The following MBD1 variants were observed in gnomAD, a reference collection of about 807,000 sequenced individuals.
MBD1 encodes methyl-CpG binding domain protein 1, also known as methyl-CpG-binding domain protein 1.
In MBD1, 25 loss-of-function variants were observed where a neutral mutation model predicts 82.6. That is an observed-to-expected ratio of 0.30 (90% CI 0.22 to 0.42). The LOEUF is 0.42. Ranked by LOEUF, MBD1 falls within the 10% of genes least tolerant of loss-of-function variation. MBD1 has a pLI of 1.00. For missense variants in MBD1, 627 were observed against 819.6 expected, an observed-to-expected ratio of 0.76 and a Z score of 2.87; for synonymous variants, 301 against 303.7, an observed-to-expected ratio of 0.99 and a Z score of 0.09.
intron 16 of MBD1, chr18:50,270,703 A>C: frequency 4.4e-6 from 1 of 229,798 alleles, no homozygotes; most frequent in South Asian, 7.2e-5. Flanking sequence ...ATGCTCTGAC[A>C]AGGTGACCCC....
chr18:50,274,303 G>A lies in MBD1; in HGVS notation c.1029C>T (p.Ala343=). 1.2e-6 allele frequency: 2 copies of A among 1,613,998 alleles called. No individual in the cohort carries two copies. Among genetic ancestry groups the A allele is most frequent in the Non-Finnish European group, 1.7e-6 (2 of 1,180,036 alleles). The change falls in exon 11 of 17, where the codon GCC becomes GCT. Residue 343 remains alanine, a synonymous_variant. Transcript: ENST00000269468. ...RQNRKCGACA[A]CLRRMDCGRC... ...GGCCACAGTCCATCCGCCGTAGGCA[G>A]GCTGCACAGGCCCCGCACTTGCGGT... is the stretch of plus-strand genomic sequence containing the variant.
chr18:50,278,018 G>A (rs1260257766), intron 2 of MBD1, among the ~76,000 whole-genome samples: 1 of 152,200 alleles, frequency 6.6e-6, no homozygotes, highest in Non-Finnish European at 1.5e-5. Context: ...CCCAGTGGAT[G>A]CCTGAAACCG....
chr18:50,281,002 C>T (rs1477002031), intron 1 of MBD1, among the ~76,000 whole-genome samples: 1 of 152,080 alleles, frequency 6.6e-6, no homozygotes, highest in East Asian at 1.9e-4. Flanking sequence ...CATTCCAAAG[C>T]CTCTATTTCT....
chr18:50,276,763 G>A lies in MBD1; in HGVS notation c.393-19C>T. 6.2e-7 allele frequency: 1 copy of A among 1,614,158 alleles called. No homozygotes were observed. Among genetic ancestry groups the A allele is most frequent in the Non-Finnish European group, 8.5e-7 (1 of 1,179,990 alleles). On this transcript the variant is annotated intron_variant, in intron 4 of 16. Transcript: ENST00000269468. The stretch of plus-strand genomic sequence containing the variant: ...ACAGCACCTGGGATGGGAAAGGCAG[G>A]TGTGGGGCTCCAAGAGCACCCCCAA...
chr18:50,268,546 G>C (rs570520510), downstream of MBD1, among the ~76,000 whole-genome samples: 1 of 152,384 alleles, frequency 6.6e-6, no homozygotes, highest in Non-Finnish European at 1.5e-5. Flanking sequence ...GGGGTGATGG[G>C]TGACGAGCGG....
chr18:50,277,067 A>G (rs769922876), intron 3 of MBD1, 23 bp downstream of exon 3: 2 of 1,613,754 alleles, frequency 1.2e-6, no homozygotes, highest in Non-Finnish European at 1.7e-6. Flanking sequence ...ACCCCTACCT[A>G]GGTATCTCAT....
downstream of MBD1, chr18:50,267,488 A>T: frequency 1.3e-6 from 1 of 749,072 alleles, no homozygotes; most frequent in Non-Finnish European, 2.3e-6. Flanking sequence ...GAGCATAATT[A>T]AGAGTCTGAG....
intron 16 of MBD1, chr18:50,270,172 T>C: frequency 6.3e-7 from 1 of 1,597,300 alleles, no homozygotes; most frequent in Admixed American, 1.7e-5. Context: ...GTGGGGAAGG[T>C]GGCAGAGGCT....
At chr18:50,270,012 T>C in intron 16 of MBD1, 194 bp from the exon 17 acceptor site, 1 of 1,597,966 alleles carries the variant, frequency 6.3e-7, no homozygotes, top group Non-Finnish European at 8.5e-7. Context: ...CTCATGAGTC[T>C]AAATGTCAAT....
chr18:50,273,945 A>T (rs1034537229), intron 11 of MBD1, 82 bp from the exon 12 acceptor site: 5 of 1,537,872 alleles, frequency 3.3e-6, no homozygotes, highest in African/African-American at 2.7e-5. Flanking sequence ...ATGCCTGCTA[A>T]TCTCCCATCA....
At position 50,274,327 on chromosome 18, in the gene MBD1, G is replaced by A; in HGVS notation, c.1005C>T (p.Asn335=). 1 of 1,613,608 alleles carries A rather than the reference G, an allele frequency of 6.2e-7. No homozygotes were observed. The highest frequency in any genetic ancestry group is 8.5e-7 in the Non-Finnish European group (1 of 1,179,912). Residue 335 remains asparagine (N), a synonymous_variant, in exon 11 of 17, where the codon AAC becomes AAT. Transcript: ENST00000269468. The part of the protein sequence containing the change: ...ELQPYTNRRQ[N]RKCGACAACL... Reference sequence around the variant, plus strand: ...AGGCTGCACAGGCCCCGCACTTGCGGTTCTGCCGGCGGTTCGTGTAGGGCT... The same window carrying A: ...AGGCTGCACAGGCCCCGCACTTGCGATTCTGCCGGCGGTTCGTGTAGGGCT...
Position 50,269,413 on chromosome 18 carries a change from AC to A in MBD1, c.*437del. 2.0e-6 allele frequency: 2 copies of A among 999,222 alleles called. No individual in the cohort carries two copies. The highest frequency in any genetic ancestry group is 2.9e-6 in the Non-Finnish European group (2 of 700,780). The allele number at this position is 999,222 out of a possible 1,614,324, so 61.9% of individuals were successfully genotyped here. A position where few individuals can be genotyped will look rare whatever the true frequency, so the allele number is the denominator to read the frequency against. ...GCCACAAGAGACATTTTGCTTGATA[AC>A]CGGAGGGCGGAAGTGAAGCAGCAGC... is the stretch of plus-strand genomic sequence containing the variant. On this transcript the variant is annotated 3_prime_UTR_variant, in exon 17 of 17. Transcript: ENST00000269468.
chr18:50,269,972 C>T, intron 16 of MBD1, 154 bp from the exon 17 acceptor site: 3 of 1,570,536 alleles, frequency 1.9e-6, no homozygotes, highest in Non-Finnish European at 2.6e-6. Flanking sequence ...TCTGATTGTA[C>T]CCTAACATAA....
rs2038511423 is a variant in MBD1, at chr18:50,277,611, A to T, written c.111-407T>A. ...AAACACAAATATGTTTTAAAAACAT[A>T]TAAACAAATGCAACTACATACAAAT... On this transcript the variant is annotated intron_variant, in intron 2 of 16. Coordinates refer to ENST00000269468, the MANE Select transcript of MBD1 (RefSeq NM_015846.4). Among the ~76,000 whole-genome samples, 4 of 152,072 alleles carry T rather than the reference A, an allele frequency of 2.6e-5. No homozygotes were observed. In the South Asian group the frequency reaches 8.3e-4, roughly 31 times the overall value.
intron 16 of MBD1, 193 bp from the exon 17 acceptor site, chr18:50,270,011 C>T (rs1418299758): frequency 1.2e-5 from 19 of 1,597,752 alleles, no homozygotes; most frequent in Non-Finnish European, 1.5e-5. Context: ...ACTCATGAGT[C>T]TAAATGTCAA....
rs2040241644 is a variant in MBD1 at position 50,281,457 on chromosome 18, TCCTCCTCCTCCGCGGCCG to T, written c.-138_-121del. 5.1e-6 allele frequency: 3 copies of T among 583,048 alleles called. No homozygotes were observed. The highest frequency in any genetic ancestry group is 9.2e-6 in the Non-Finnish European group (3 of 327,032). 36.1% of individuals were successfully genotyped at this position (583,048 alleles called of 1,614,324 possible). On this transcript the variant is annotated 5_prime_UTR_variant, in exon 1 of 17. Coordinates refer to ENST00000269468, the MANE Select transcript of MBD1 (RefSeq NM_015846.4). ...ACCTCCCGCCTCGCCCTCCTCCCCT[TCCTCCTCCTCCGCGGCCG>T]CCTCCTCTGAAGCGGTAGCTGTCGC...
At position 50,270,118 on chromosome 18, in the gene MBD1, G is replaced by GTC. The variant is rs778287621; in HGVS notation, c.*33-302_*33-301dup. 6 of 1,598,354 alleles carry GTC rather than the reference G, an allele frequency of 3.8e-6. No individual in the cohort carries two copies. The East Asian group carries it at 1.3e-4, about 36-fold the overall frequency. The stretch of plus-strand genomic sequence containing the variant: ...AAACAAAGCAGTATCAGTCTATCCA[G>GTC]TCTTGACTAGGGCTGAACTAGTTAG... On this transcript the variant is annotated intron_variant, in intron 16 of 16. Transcript: ENST00000269468.
intron 11 of MBD1, 29 bp from the exon 12 acceptor site, chr18:50,273,892 A>G (rs934020696): frequency 1.2e-6 from 2 of 1,608,282 alleles, no homozygotes; most frequent in African/African-American, 1.3e-5. Context: ...TGCTATGGCT[A>G]CCTGGTGTCC....
Position 50,281,430 on chromosome 18 carries a change from G to A in MBD1, c.-93C>T. 3.3e-6 allele frequency: 2 copies of A among 600,476 alleles called. No individual in the cohort carries two copies. Among genetic ancestry groups the A allele is most frequent in the East Asian group, 5.6e-5 (2 of 35,420 alleles). 37.2% of individuals were successfully genotyped at this position (600,476 alleles called of 1,614,324 possible). A position where few individuals can be genotyped will look rare whatever the true frequency, so the allele number is the denominator to read the frequency against. On this transcript the variant is annotated 5_prime_UTR_variant, in exon 1 of 17. Transcript: ENST00000269468. ...TGGACCCATGGCGAGGGTCCCTCCT[G>A]CACCTCCCGCCTCGCCCTCCTCCCC... is the stretch of plus-strand genomic sequence containing the variant.
Sources: allele counts gnomAD v4.1 joint callset (sites outside exome capture counted in the v4.1 genomes callset), GRCh38; gene constraint gnomAD v4.1.1; transcripts MANE v1.5; gene names NCBI Gene and HGNC (gene_info 2026-07-23, HGNC 2026-07-21).